The following EYA4 variants were observed in gnomAD, a reference collection of about 807,000 sequenced individuals.
EYA4 encodes EYA transcriptional coactivator and phosphatase 4.
In EYA4, 31 loss-of-function variants were observed where a neutral mutation model predicts 87.9. The ratio of observed to expected loss-of-function variants is 0.35; its 90% CI spans 0.27 to 0.48. EYA4 has a LOEUF of 0.48. EYA4 is among the 20% of genes least tolerant of loss of function. EYA4 has a pLI of 0.99. For missense variants in EYA4, 678 were observed against 761.4 expected (o/e 0.89, Z 1.29); for synonymous variants, 263 against 270.6 (o/e 0.97, Z 0.28).
At chr6:133,421,889 C>G (rs903767852) in intron 3 of EYA4, among the ~76,000 whole-genome samples, 1 of 152,206 alleles carries the variant, frequency 6.6e-6, no homozygotes. Context: ...TGTGTTATAA[C>G]TGGAGAGTTC....
intron 3 of EYA4, among the ~76,000 whole-genome samples, chr6:133,401,026 G>C (rs1449604691): frequency 1.3e-5 from 2 of 152,146 alleles, no homozygotes; most frequent in Non-Finnish European, 2.9e-5. Context: ...TAAAGAAAAT[G>C]TGGTATATGT....
chr6:133,369,990 C>A (rs1341099273), intron 2 of EYA4, among the ~76,000 whole-genome samples: 1 of 152,112 alleles, frequency 6.6e-6, no homozygotes, highest in African/African-American at 2.4e-5. Context: ...GCGTGGAAAG[C>A]CATTGGTCGG....
chr6:133,446,768 C>T lies in EYA4; in HGVS notation c.208+14C>T. 1 of 1,612,404 alleles carries T rather than the reference C, an allele frequency of 6.2e-7. No homozygotes were observed. Among genetic ancestry groups the T allele is most frequent in the Non-Finnish European group, 8.5e-7 (1 of 1,178,706 alleles). On this transcript the variant is annotated intron_variant, in intron 4 of 19. Transcript: ENST00000355286. ...ATGGGACAGGAGGTAAGTGTACTAC[C>T]CTGAAGATACCCAGAATCATATTTC...
chr6:133,443,584 C>T (rs139198066), intron 3 of EYA4, among the ~76,000 whole-genome samples: 3 of 151,956 alleles, frequency 2.0e-5, no homozygotes, highest in Non-Finnish European at 4.4e-5. Flanking sequence ...CCTTTTCTTC[C>T]TCTAGTTTCT....
intron 3 of EYA4, among the ~76,000 whole-genome samples, chr6:133,382,794 C>CA (rs34082768): frequency 0.32 from 41,759 of 130,632 alleles, 6,091 homozygotes; most frequent in East Asian, 0.4. Flanking sequence ...TCTGTGTTTA[C>CA]AAAAAAAAAA....
intron 1 of EYA4, among the ~76,000 whole-genome samples, chr6:133,252,942 AACACACACACACAC>A (rs3836960): frequency 0.024 from 3,390 of 138,710 alleles, 99 homozygotes; most frequent in African/African-American, 0.075. Flanking sequence ...GGTACTTGAA[AACACACACACACAC>A]ACACACACAC....
intron 11 of EYA4, among the ~76,000 whole-genome samples, chr6:133,469,904 G>T (rs1015250169): frequency 9.2e-5 from 14 of 152,072 alleles, no homozygotes; most frequent in Non-Finnish European, 1.9e-4. Flanking sequence ...AGAAGTGTCT[G>T]TTCATGTCCT....
intron 3 of EYA4, among the ~76,000 whole-genome samples, chr6:133,410,727 C>T (rs1298743752): frequency 6.6e-6 from 1 of 151,764 alleles, no homozygotes; most frequent in African/African-American, 2.4e-5. Context: ...CAGGGCTTTT[C>T]TCTCCTCCTG....
At chr6:133,497,572 T>A (rs1797743346) in intron 13 of EYA4, among the ~76,000 whole-genome samples, 1 of 152,138 alleles carries the variant, frequency 6.6e-6, no homozygotes, top group Non-Finnish European at 1.5e-5. Context: ...ATGTACAGTG[T>A]CTGTGCTGCA....
At chr6:133,264,441 G>A (rs1383323251) in intron 1 of EYA4, among the ~76,000 whole-genome samples, 2 of 152,262 alleles carry the variant, frequency 1.3e-5, no homozygotes, top group Admixed American at 1.3e-4. Context: ...TAACGTCCAG[G>A]GAGCAGGACT....
intron 1 of EYA4, among the ~76,000 whole-genome samples, chr6:133,269,550 T>C (rs911607761): frequency 5.3e-5 from 8 of 152,240 alleles, no homozygotes; most frequent in African/African-American, 1.9e-4. Flanking sequence ...CAATTTACAT[T>C]TTAAATTTCT....
intron 2 of EYA4, among the ~76,000 whole-genome samples, chr6:133,279,411 A>G (rs1562240788): frequency 6.6e-6 from 1 of 152,134 alleles, no homozygotes; most frequent in Non-Finnish European, 1.5e-5. Context: ...GGATTATGTT[A>G]CATATTGTAT....
chr6:133,445,165 A>G (rs1264200525), intron 3 of EYA4, among the ~76,000 whole-genome samples: 1 of 152,136 alleles, frequency 6.6e-6, no homozygotes, highest in Non-Finnish European at 1.5e-5. Context: ...TTAACCTCTT[A>G]TCCAAGTTTA....
chr6:133,419,694 T>C (rs932155942), intron 3 of EYA4, among the ~76,000 whole-genome samples: 1 of 152,186 alleles, frequency 6.6e-6, no homozygotes, highest in Non-Finnish European at 1.5e-5. Flanking sequence ...CAAACCAAAC[T>C]ATTATACTAC....
In EYA4 at chr6:133,529,495, A is replaced by G; in HGVS notation, c.*690A>G. On this transcript the variant is annotated 3_prime_UTR_variant, in exon 20 of 20. Transcript: ENST00000355286. ...GACAGCATTTGTGTGTTACAATGTA[A>G]CTTTGGTTAAAATCTCTGTAGATAA... 1.0e-6 allele frequency: 1 copy of G among 972,178 alleles called. No individual in the cohort carries two copies. The highest frequency in any genetic ancestry group is 4.7e-5 in the South Asian group (1 of 21,088). The allele number at this position is 972,178 out of a possible 1,614,324, so 60.2% of individuals were successfully genotyped here.
chr6:133,521,071 A>C (rs1260361070), intron 17 of EYA4, among the ~76,000 whole-genome samples: 1 of 151,484 alleles, frequency 6.6e-6, no homozygotes, highest in Non-Finnish European at 1.5e-5. Flanking sequence ...CTTCATGTCT[A>C]AAACACCAAA....
intron 2 of EYA4, among the ~76,000 whole-genome samples, chr6:133,357,245 T>G (rs1583048822): frequency 8.7e-6 from 1 of 114,952 alleles, no homozygotes; most frequent in African/African-American, 3.6e-5. Flanking sequence ...CACTCCAGCC[T>G]GGGCGACAGA....
At chr6:133,384,957 C>A (rs1786568739) in intron 3 of EYA4, among the ~76,000 whole-genome samples, 1 of 152,058 alleles carries the variant, frequency 6.6e-6, no homozygotes, top group South Asian at 2.1e-4. Context: ...AGACACTAAG[C>A]AGCATTATTT....
At chr6:133,466,097 C>A (rs1365028805) in intron 10 of EYA4, among the ~76,000 whole-genome samples, 2 of 152,010 alleles carry the variant, frequency 1.3e-5, no homozygotes, top group Non-Finnish European at 2.9e-5. Context: ...TTGTTCCCTG[C>A]TCTTTAGAAG....
Sources: allele counts gnomAD v4.1 joint callset (sites outside exome capture counted in the v4.1 genomes callset), GRCh38; gene constraint gnomAD v4.1.1; transcripts MANE v1.5; gene names NCBI Gene and HGNC (gene_info 2026-07-23, HGNC 2026-07-21).